STARD9: variants seen among roughly 807,000 people sequenced by gnomAD.
The protein encoded by STARD9 is StAR related lipid transfer domain containing 9.
A neutral mutation model predicts 399.8 loss-of-function variants in STARD9; 346 were observed. That is an observed-to-expected ratio of 0.87 (90% CI 0.79 to 0.95). The LOEUF (loss-of-function observed/expected upper bound fraction) is 0.95, where lower values mean the gene tolerates loss of function less well. STARD9 is among the 40% of genes least tolerant of loss of function. The probability of loss-of-function intolerance (pLI) is 0.00; values close to 1 mark genes in which losing one functional copy is unlikely to be tolerated. For missense variants in STARD9, 5,832 were observed against 5,667.5 expected, an observed-to-expected ratio of 1.03 and a Z score of -0.93; for synonymous variants, 2,203 against 2,143.5, an observed-to-expected ratio of 1.03 and a Z score of -0.77.
intron 3 of STARD9, among the ~76,000 whole-genome samples, chr15:42,592,663 C>G (rs1014525549): frequency 6.6e-6 from 1 of 152,076 alleles, no homozygotes; most frequent in Admixed American, 6.6e-5. Flanking sequence ...AGGCTCGTCT[C>G]GAACTCCGGA....
At chr15:42,695,934 GTT>G in intron 26 of STARD9, 54 bp downstream of exon 26, 1 of 1,509,228 alleles carries the variant, frequency 6.6e-7, no homozygotes, top group Non-Finnish European at 8.8e-7. Context: ...CAAGGCAAGA[GTT>G]TGAGCAGGAC....
chr15:42,606,029 T>G (rs2058716185), intron 3 of STARD9, among the ~76,000 whole-genome samples: 1 of 152,220 alleles, frequency 6.6e-6, no homozygotes, highest in Non-Finnish European at 1.5e-5. Context: ...TTTCAGGGTT[T>G]GGAAAAGTTG....
chr15:42,638,394 T>C (rs2059459857), intron 6 of STARD9, among the ~76,000 whole-genome samples: 1 of 152,148 alleles, frequency 6.6e-6, no homozygotes, highest in Non-Finnish European at 1.5e-5. Context: ...TGAAATTCAC[T>C]CAAGAAACAA....
At chr15:42,669,908 G>C (rs556571572) in intron 16 of STARD9, 1 of 152,080 alleles carries the variant, frequency 6.6e-6, no homozygotes, top group African/African-American at 2.4e-5. Flanking sequence ...AAAGTTAGCC[G>C]GGCGTGGTGG....
chr15:42,713,630 T>C (rs770679768), intron 26 of STARD9, among the ~76,000 whole-genome samples: 3 of 152,220 alleles, frequency 2.0e-5, no homozygotes, highest in African/African-American at 2.4e-5. Context: ...CAAATACTTT[T>C]TTCTGGTGTC....
chr15:42,675,659 T>C lies in STARD9; in HGVS notation c.1688-5T>C. ...ATTGAATTCTCATTTGTCTCTGTGCTGCAGGAGCTGTCATAACCCTGGGGA... is the reference window on the plus strand; with the variant it reads ...ATTGAATTCTCATTTGTCTCTGTGCCGCAGGAGCTGTCATAACCCTGGGGA... On this transcript the variant is annotated splice_polypyrimidine_tract_variant and splice_region_variant and intron_variant, in intron 18 of 32. Coordinates refer to ENST00000290607, the MANE Select transcript of STARD9 (RefSeq NM_020759.3). 1 of 1,535,776 alleles carries C rather than the reference T, an allele frequency of 6.5e-7. No homozygotes were observed. The highest frequency in any genetic ancestry group is 1.2e-5 in the South Asian group (1 of 84,024).
chr15:42,604,936 C>T (rs2058699665), intron 3 of STARD9, among the ~76,000 whole-genome samples: 1 of 152,094 alleles, frequency 6.6e-6, no homozygotes, highest in Non-Finnish European at 1.5e-5. Context: ...AGCCATCGCG[C>T]CTGACCTGGA....
chr15:42,669,738 A>G (rs2060169517), intron 16 of STARD9: 1 of 159,686 alleles, frequency 6.3e-6, no homozygotes, highest in African/African-American at 2.4e-5. Flanking sequence ...CCTAAACTCT[A>G]CAAATACAGA....
chr15:42,595,889 A>G (rs1161094587), intron 3 of STARD9, among the ~76,000 whole-genome samples: 5 of 152,222 alleles, frequency 3.3e-5, no homozygotes, highest in Admixed American at 3.3e-4. Flanking sequence ...GTTTGGTTCC[A>G]TAAGCATGTC....
chr15:42,680,608 A>G (rs889073227), intron 20 of STARD9, among the ~76,000 whole-genome samples: 2 of 152,154 alleles, frequency 1.3e-5, no homozygotes, highest in African/African-American at 4.8e-5. Flanking sequence ...TCAAAAAAAG[A>G]AAAAATCTAA....
At chr15:42,695,675 GA>G in intron 25 of STARD9, 67 bp from the exon 26 acceptor site, 5 of 1,491,882 alleles carry the variant, frequency 3.4e-6, no homozygotes, top group Non-Finnish European at 4.5e-6. Flanking sequence ...CTTTGGGTAG[GA>G]AAAGGCGTGG....
chr15:42,716,557 T>C, intron 26 of STARD9, 120 bp from the exon 27 acceptor site: 2 of 669,514 alleles, frequency 3.0e-6, no homozygotes, highest in African/African-American at 1.8e-5. Flanking sequence ...TGTATTCCCA[T>C]CTGGGAAGAC....
chr15:42,693,902 G>T lies in STARD9; in HGVS notation c.12324G>T (p.Gln4108His), dbSNP rs2060777507. 1 of 1,524,762 alleles carries T rather than the reference G, an allele frequency of 6.6e-7. No individual in the cohort carries two copies. Among genetic ancestry groups the T allele is most frequent in the African/African-American group, 1.4e-5 (1 of 72,908 alleles). 94.5% of individuals were successfully genotyped at this position (1,524,762 alleles called of 1,614,324 possible). Residue 4108 changes from glutamine (Q) to histidine (H), a missense_variant, in exon 23 of 33, where the codon CAG (glutamine) becomes CAT (histidine). Around this residue, in one of 2 missense-constraint regions of STARD9, gnomAD observed 5,828 missense variants for 5,651.1 expected, o/e 1.03. Transcript: ENST00000290607. ...GAGGTTCTGCCTTGGGCCTCCCTCA[G>T]GCCTGCCAACCTGAGGAGTTACTGT... ...GLRGSALGLPQACQPEELLCF... is the reference protein window; with the variant it reads ...GLRGSALGLPHACQPEELLCF...
intron 26 of STARD9, among the ~76,000 whole-genome samples, chr15:42,709,100 T>C (rs1240976397): frequency 6.6e-6 from 1 of 152,210 alleles, no homozygotes; most frequent in Non-Finnish European, 1.5e-5. Context: ...TTGTCCTTTA[T>C]GATTAATGAA....
At chr15:42,717,402 T>C (rs1257645021) in intron 28 of STARD9, among the ~76,000 whole-genome samples, 2 of 151,498 alleles carry the variant, frequency 1.3e-5, no homozygotes, top group South Asian at 4.2e-4. Flanking sequence ...GTGGGAAGAT[T>C]GCTTGAGTCC....
At chr15:42,630,889 G>T (rs1409294000) in intron 3 of STARD9, among the ~76,000 whole-genome samples, 1 of 148,856 alleles carries the variant, frequency 6.7e-6, no homozygotes, top group East Asian at 2.0e-4. Flanking sequence ...TTGATCTTTT[G>T]TATTGCTTTT....
chr15:42,612,641 G>A (rs1222959635), intron 3 of STARD9, among the ~76,000 whole-genome samples: 3 of 152,100 alleles, frequency 2.0e-5, no homozygotes, highest in African/African-American at 2.4e-5. Context: ...CATGCTACTC[G>A]GACAGTTGTC....
rs1030452993 is a variant in STARD9 at position 42,607,553 on chromosome 15, T to G, written c.234+21916T>G. Among the ~76,000 whole-genome samples the G allele has an allele frequency of 2.0e-5, 3 of 151,444 alleles. No individual in the cohort carries two copies. The South Asian group carries it at 6.3e-4, about 32-fold the overall frequency. ...ATTCTTTCTCATCTGTGGAGTACCC[T>G]AGGAATTCCAGTTTCATATTAGAGA... On this transcript the variant is annotated intron_variant, in intron 3 of 32. Coordinates refer to ENST00000290607, the MANE Select transcript of STARD9 (RefSeq NM_020759.3).
At chr15:42,601,302 C>G (rs908174263) in intron 3 of STARD9, among the ~76,000 whole-genome samples, 1 of 152,210 alleles carries the variant, frequency 6.6e-6, no homozygotes, top group Non-Finnish European at 1.5e-5. Context: ...ATCTCTCTCT[C>G]TTTTCCCCAC....
Sources: allele counts gnomAD v4.1 joint callset (sites outside exome capture counted in the v4.1 genomes callset), GRCh38; gene constraint gnomAD v4.1.1; regional missense constraint gnomAD v4.1.1; transcripts MANE v1.5; gene names NCBI Gene and HGNC (gene_info 2026-07-23, HGNC 2026-07-21).